MCUB: variants seen among roughly 807,000 people sequenced by gnomAD.
The protein encoded by MCUB is mitochondrial calcium uniporter dominant negative subunit beta.
A neutral mutation model predicts 41.4 loss-of-function variants in MCUB; 46 were observed. That is an observed-to-expected ratio of 1.11 (90% CI 0.88 to 1.42). The LOEUF (loss-of-function observed/expected upper bound fraction) is 1.42, where lower values mean the gene tolerates loss of function less well. Ranked by LOEUF, MCUB falls within the 40% of genes most tolerant of loss-of-function variation. The probability of loss-of-function intolerance (pLI) is 0.00; values close to 1 mark genes in which losing one functional copy is unlikely to be tolerated. For synonymous variants in MCUB, 148 were observed against 148.2 expected, an observed-to-expected ratio of 1.00 and a Z score of 0.01; for missense variants, 403 against 404.9, an observed-to-expected ratio of 1.00 and a Z score of 0.04.
In MCUB at chr4:109,687,942, C is replaced by CAGAG. The variant is rs1214451930; in HGVS notation, c.*352_*355dup. On this transcript the variant is annotated 3_prime_UTR_variant, in exon 8 of 8. Transcript: ENST00000394650. ...TTTGGAATCATCCTTTTAAAAAAAT[C>CAGAG]AGAGACCAGGTCTTGCCAAATCAAA... The CAGAG allele has an allele frequency of 1.1e-5, 2 of 176,256 alleles. No homozygotes were observed. Among genetic ancestry groups the CAGAG allele is most frequent in the African/African-American group, 4.7e-5 (2 of 42,262 alleles). 10.9% of individuals were successfully genotyped at this position (176,256 alleles called of 1,614,324 possible).
chr4:109,684,815 CAG>C (rs760259387), intron 6 of MCUB, 169 bp downstream of exon 6: 113 of 534,894 alleles, frequency 2.1e-4, no homozygotes, highest in Middle Eastern at 1.4e-3. Flanking sequence ...ACTCACAACA[CAG>C]AGAAATTATA....
chr4:109,603,220 CGAGTGCCTGGG>C lies in MCUB; in HGVS notation c.99+42785_99+42795del, dbSNP rs770848526. Among the ~76,000 whole-genome samples the C allele has an allele frequency of 3.6e-3, 544 of 152,316 alleles. 6 individuals carry two copies. The highest frequency in any genetic ancestry group is 0.014 in the East Asian group (70 of 5,182). On this transcript the variant is annotated intron_variant, in intron 1 of 7. Coordinates refer to ENST00000394650, the MANE Select transcript of MCUB (RefSeq NM_017918.5). ...GCCTGATTCTCCTGCCTCAGCCTGC[CGAGTGCCTGGG>C]ATTGCAGGCGCGCGCCGCCACGCCT...
Position 109,670,928 on chromosome 4 carries a change from C to T in MCUB, c.451+6534C>T, listed in dbSNP as rs117163631. On this transcript the variant is annotated intron_variant, in intron 4 of 7. Coordinates refer to ENST00000394650, the MANE Select transcript of MCUB (RefSeq NM_017918.5). ...ATGCTTACATTTCAAGAGTTGTCCA[C>T]GCTGAGCCTCCAGCAATTTGTCAGT... is the stretch of plus-strand genomic sequence containing the variant. Among the ~76,000 whole-genome samples, 1,131 of 152,236 alleles carry T rather than the reference C, an allele frequency of 7.4e-3. 27 individuals carry two copies. Among genetic ancestry groups the T allele is most frequent in the South Asian group, 0.06 (288 of 4,822 alleles).
At chr4:109,628,452 A>G (rs1728408152) in intron 1 of MCUB, among the ~76,000 whole-genome samples, 1 of 152,242 alleles carries the variant, frequency 6.6e-6, no homozygotes. Context: ...TAGCTGTTAC[A>G]TGGGGAATGA....
intron 1 of MCUB, among the ~76,000 whole-genome samples, chr4:109,657,984 A>G (rs568059559): frequency 6.6e-6 from 1 of 152,210 alleles, no homozygotes; most frequent in Non-Finnish European, 1.5e-5. Context: ...GTTTGTGTAC[A>G]TAATTTTTTT....
At chr4:109,593,416 A>G (rs1727484408) in intron 1 of MCUB, among the ~76,000 whole-genome samples, 1 of 152,300 alleles carries the variant, frequency 6.6e-6, no homozygotes, top group Non-Finnish European at 1.5e-5. Flanking sequence ...TTTAAGCCCC[A>G]CTTGATGCAG....
rs542888801 is a variant in MCUB at position 109,566,610 on chromosome 4, G to C, written c.99+6174G>C. 3.3e-5 allele frequency among the ~76,000 whole-genome samples: 5 copies of C among 152,202 alleles called. No homozygotes were observed. The South Asian group carries it at 1.0e-3, about 32-fold the overall frequency. ...ACCATTCTGACATTGACAATATTTT[G>C]TTCAATGGTGTATTTATATTCCCCT... On this transcript the variant is annotated intron_variant, in intron 1 of 7. Transcript: ENST00000394650.
At chr4:109,646,832 C>T (rs191472547) in intron 1 of MCUB, among the ~76,000 whole-genome samples, 296 of 152,254 alleles carry the variant, frequency 1.9e-3, no homozygotes, top group African/African-American at 7.0e-3. Flanking sequence ...AAGTGTTTTA[C>T]ATGTGGTATC....
At chr4:109,654,776 A>G (rs1463971566) in intron 1 of MCUB, among the ~76,000 whole-genome samples, 1 of 152,228 alleles carries the variant, frequency 6.6e-6, no homozygotes, top group African/African-American at 2.4e-5. Context: ...AGGTAAAATC[A>G]TAATGCTCAT....
At chr4:109,566,807 G>A (rs1004866192) in intron 1 of MCUB, among the ~76,000 whole-genome samples, 3 of 152,184 alleles carry the variant, frequency 2.0e-5, no homozygotes, top group African/African-American at 7.2e-5. Flanking sequence ...TTCACGTGTC[G>A]CATTGCTAGC....
At chr4:109,615,265 T>C (rs1728100527) in intron 1 of MCUB, among the ~76,000 whole-genome samples, 2 of 152,296 alleles carry the variant, frequency 1.3e-5, no homozygotes, top group South Asian at 4.1e-4. Flanking sequence ...TTTACCCATA[T>C]TGCAGATGTC....
At chr4:109,599,736 T>G (rs1443592917) in intron 1 of MCUB, among the ~76,000 whole-genome samples, 2 of 152,176 alleles carry the variant, frequency 1.3e-5, no homozygotes, top group African/African-American at 2.4e-5. Flanking sequence ...TGGCACAATC[T>G]TGGCTCACTG....
rs1339884678 is a variant in MCUB at position 109,626,398 on chromosome 4, AATC to A, written c.100-32610_100-32608del. 2.0e-5 allele frequency among the ~76,000 whole-genome samples: 3 copies of A among 152,350 alleles called. No individual in the cohort carries two copies. The South Asian group carries it at 6.2e-4, about 32-fold the overall frequency. On this transcript the variant is annotated intron_variant, in intron 1 of 7. Transcript: ENST00000394650. ...AATACTCAAAAATTTAATATTCAGAAATCATGGCTGTAGTACATAGGTGCTATC... is the reference window on the plus strand; with the variant it reads ...AATACTCAAAAATTTAATATTCAGAAATGGCTGTAGTACATAGGTGCTATC...
At chr4:109,622,948 T>A (rs1356478750) in intron 1 of MCUB, among the ~76,000 whole-genome samples, 2 of 152,234 alleles carry the variant, frequency 1.3e-5, no homozygotes, top group African/African-American at 4.8e-5. Context: ...GACTGGCGTT[T>A]CTTGGACATT....
At chr4:109,669,959 T>C (rs1441675603) in intron 4 of MCUB, among the ~76,000 whole-genome samples, 1 of 152,242 alleles carries the variant, frequency 6.6e-6, no homozygotes, top group African/African-American at 2.4e-5. Context: ...TAGCATATTA[T>C]TTGTAGTTAT....
At chr4:109,667,529 C>T (rs1305308387) in intron 4 of MCUB, among the ~76,000 whole-genome samples, 1 of 151,204 alleles carries the variant, frequency 6.6e-6, no homozygotes. Flanking sequence ...TTCCAAAGAA[C>T]TAGCTTTTAA....
At chr4:109,582,021 A>T (rs1227200759) in intron 1 of MCUB, among the ~76,000 whole-genome samples, 1 of 152,168 alleles carries the variant, frequency 6.6e-6, no homozygotes, top group African/African-American at 2.4e-5. Flanking sequence ...CAGCCATCCC[A>T]TTGCTGGGTA....
intron 1 of MCUB, among the ~76,000 whole-genome samples, chr4:109,641,764 AC>A (rs913747962): frequency 4.6e-5 from 7 of 152,132 alleles, no homozygotes; most frequent in Non-Finnish European, 7.4e-5. Context: ...GTGTATTCAA[AC>A]CTCCTGTGAA....
At chr4:109,681,889 G>T (rs1053712445) in intron 4 of MCUB, among the ~76,000 whole-genome samples, 1 of 152,242 alleles carries the variant, frequency 6.6e-6, no homozygotes, top group Non-Finnish European at 1.5e-5. Context: ...AGATTTAATA[G>T]TGTGAAATAG....
Sources: gnomAD v4.1 joint callset for allele counts (sites outside exome capture counted in the v4.1 genomes callset) on GRCh38, gnomAD v4.1.1 for gene constraint, MANE v1.5 for transcripts, NCBI Gene and HGNC (gene_info 2026-07-23, HGNC 2026-07-21) for gene names.